The following DMD variants were observed in gnomAD, a reference collection of about 807,000 sequenced individuals.
The protein encoded by DMD is dystrophin, also known as mutant dystrophin.
In DMD, 63 loss-of-function variants were observed where a neutral mutation model predicts 330.1. The ratio of observed to expected loss-of-function variants is 0.19; its 90% CI spans 0.16 to 0.24. The LOEUF is 0.24. Among genes scored for constraint, DMD ranks in the 10% least tolerant of loss-of-function variants. DMD has a pLI of 1.00. For missense variants in DMD, 3,344 were observed against 2,684.1 expected (o/e 1.25, Z -5.43); for synonymous variants, 1,223 against 959.8 (o/e 1.27, Z -5.07).
In DMD at chrX:31,136,471, C is replaced by G. The variant is rs1378065037; in HGVS notation, c.10922-2277G>C. 2.7e-5 allele frequency among the ~76,000 whole-genome samples: 3 copies of G among 112,231 alleles called. No individual in the cohort carries two copies. In the East Asian group the frequency reaches 8.4e-4, roughly 31 times the overall value. On this transcript the variant is annotated intron_variant, in intron 76 of 78. Transcript: ENST00000357033. ...CAGGGCTGATTACATCTCTCTGTTT[C>G]ATTACTGATGCAAATTTTTGCGGAA...
At chrX:32,793,888 A>G (rs777188415) in intron 7 of DMD, among the ~76,000 whole-genome samples, 6 of 111,594 alleles carry the variant, frequency 5.4e-5, no homozygotes, top group Non-Finnish European at 9.4e-5. Flanking sequence ...CCCCTATCTC[A>G]TTCTATGAAG....
At chrX:31,861,597 AAAG>A (rs1316475231) in intron 48 of DMD, among the ~76,000 whole-genome samples, 2 of 105,850 alleles carry the variant, frequency 1.9e-5, no homozygotes, top group Non-Finnish European at 3.9e-5. Flanking sequence ...AAAAAAAAAA[AAAG>A]AGACAGTTCT....
intron 60 of DMD, among the ~76,000 whole-genome samples, chrX:31,410,851 A>C (rs1284862994): frequency 9.3e-6 from 1 of 107,585 alleles, no homozygotes; most frequent in Non-Finnish European, 1.9e-5. Flanking sequence ...CGATTCTTCC[A>C]CATCAGCCTC....
intron 49 of DMD, among the ~76,000 whole-genome samples, chrX:31,833,880 G>A (rs2093131859): frequency 1.8e-5 from 2 of 111,241 alleles, no homozygotes; most frequent in African/African-American, 6.5e-5. Context: ...ACTAGATCTT[G>A]CATATACATC....
intron 2 of DMD, among the ~76,000 whole-genome samples, chrX:32,896,434 T>C (rs962665709): frequency 8.9e-6 from 1 of 111,867 alleles, no homozygotes; most frequent in Non-Finnish European, 1.9e-5. Context: ...AAGAGTCACA[T>C]GTAGAATTGG....
At chrX:32,685,359 A>G (rs1403052529) in intron 9 of DMD, among the ~76,000 whole-genome samples, 2 of 111,900 alleles carry the variant, frequency 1.8e-5, no homozygotes, top group Non-Finnish European at 1.9e-5. Flanking sequence ...AGAGGACTAC[A>G]TATCTTAGGA....
intron 51 of DMD, among the ~76,000 whole-genome samples, chrX:31,733,777 G>A (rs895734346): frequency 2.4e-4 from 27 of 110,947 alleles, no homozygotes; most frequent in Non-Finnish European, 4.4e-4. Context: ...TCTTGCATTC[G>A]GCTGCCTCTC....
At chrX:31,211,423 T>C (rs766708764) in intron 64 of DMD, among the ~76,000 whole-genome samples, 5 of 112,500 alleles carry the variant, frequency 4.4e-5, no homozygotes, top group Non-Finnish European at 7.5e-5. Context: ...CATGTTTCCT[T>C]ATATACTGAA....
At chrX:31,410,117 G>A (rs746066791) in intron 60 of DMD, among the ~76,000 whole-genome samples, 1 of 112,373 alleles carries the variant, frequency 8.9e-6, no homozygotes, top group Admixed American at 9.4e-5. Context: ...ACCGTGTCCG[G>A]CCCTTAAACC....
Position 31,687,016 on chromosome X carries a change from C to T in DMD, c.7661-7430G>A, listed in dbSNP as rs777935635. ...ATGGGGCATGGGCAGAGTCATGAGG[C>T]CCCCATTCCAGGCCCTAGTTCCTGG... On this transcript the variant is annotated intron_variant, in intron 52 of 78. Coordinates refer to ENST00000357033, the MANE Select transcript of DMD (RefSeq NM_004006.3). Among the ~76,000 whole-genome samples the T allele has an allele frequency of 5.4e-5, 6 of 111,302 alleles. No individual in the cohort carries two copies. The South Asian group carries it at 2.3e-3, about 43-fold the overall frequency.
chrX:31,623,508 C>T (rs763648571), intron 55 of DMD, among the ~76,000 whole-genome samples: 5 of 111,721 alleles, frequency 4.5e-5, no homozygotes, highest in East Asian at 2.8e-4. Context: ...GTGATCCGCC[C>T]GCCTCTGCCT....
intron 74 of DMD, among the ~76,000 whole-genome samples, chrX:31,149,365 T>C (rs990548904): frequency 3.6e-5 from 4 of 112,384 alleles, no homozygotes; most frequent in Admixed American, 1.9e-4. Flanking sequence ...TTTAAATCAA[T>C]TGATGTCTGA....
intron 56 of DMD, among the ~76,000 whole-genome samples, chrX:31,503,712 G>A (rs1268452489): frequency 1.8e-5 from 2 of 111,507 alleles, no homozygotes. Context: ...TTGCAAGTGT[G>A]AGAACCAGCA....
intron 55 of DMD, among the ~76,000 whole-genome samples, chrX:31,574,134 G>GT (rs748095057): frequency 0.023 from 1,892 of 82,932 alleles, 33 homozygotes; most frequent in African/African-American, 0.039. Flanking sequence ...TGATCTGTTT[G>GT]TTTTTTTTTT....
chrX:31,984,043 CA>C (rs1569527446), intron 44 of DMD, among the ~76,000 whole-genome samples: 5 of 110,936 alleles, frequency 4.5e-5, no homozygotes, highest in East Asian at 2.9e-4. Context: ...GTAGAAAGTA[CA>C]AAAAAATCGG....
chrX:32,310,560 T>G (rs60429654), intron 41 of DMD, among the ~76,000 whole-genome samples: 2 of 111,432 alleles, frequency 1.8e-5, no homozygotes, highest in African/African-American at 6.5e-5. Context: ...GAGAGTAGTT[T>G]TATCCTAAGA....
intron 44 of DMD, among the ~76,000 whole-genome samples, chrX:32,005,845 A>G (rs962246008): frequency 9.0e-6 from 1 of 111,586 alleles, no homozygotes; most frequent in African/African-American, 3.3e-5. Context: ...ACCATCATTA[A>G]GTAGTATTAA....
intron 60 of DMD, among the ~76,000 whole-genome samples, chrX:31,382,136 G>T (rs1431231864): frequency 9.0e-6 from 1 of 111,183 alleles, no homozygotes; most frequent in Non-Finnish European, 1.9e-5. Context: ...AGTATTCAGT[G>T]AACTAATGGT....
intron 21 of DMD, among the ~76,000 whole-genome samples, chrX:32,481,954 G>C (rs1248141192): frequency 9.0e-6 from 1 of 111,521 alleles, no homozygotes; most frequent in African/African-American, 3.3e-5. Context: ...CAATCTAATG[G>C]TGTAGAACAG....
Sources: gnomAD v4.1 joint callset for allele counts (sites outside exome capture counted in the v4.1 genomes callset) on GRCh38, gnomAD v4.1.1 for gene constraint, MANE v1.5 for transcripts, NCBI Gene and HGNC (gene_info 2026-07-23, HGNC 2026-07-21) for gene names.